PLA2G2D: variants seen among roughly 807,000 people sequenced by gnomAD.
The protein encoded by PLA2G2D is phospholipase A2 group IID, also known as group IID secretory phospholipase A2.
A neutral mutation model predicts 13.9 loss-of-function variants in PLA2G2D; 17 were observed. The ratio of observed to expected loss-of-function variants is 1.23; its 90% CI spans 0.84 to 1.84. PLA2G2D has a LOEUF of 1.84. Ranked by LOEUF, PLA2G2D falls within the 40% of genes most tolerant of loss-of-function variation. PLA2G2D has a pLI of 0.00. For synonymous variants in PLA2G2D, 83 were observed against 69.3 expected (o/e 1.20, Z -0.98); for missense variants, 194 against 178.7 (o/e 1.09, Z -0.49).
At position 20,114,006 on chromosome 1, in the gene PLA2G2D, G is replaced by T; in HGVS notation, c.*108C>A. 9.9e-7 allele frequency: 1 copy of T among 1,007,382 alleles called. No individual in the cohort carries two copies. The highest frequency in any genetic ancestry group is 1.5e-6 in the Non-Finnish European group (1 of 678,388). 62.4% of individuals were successfully genotyped at this position (1,007,382 alleles called of 1,614,324 possible). A position where few individuals can be genotyped will look rare whatever the true frequency, so the allele number is the denominator to read the frequency against. On this transcript the variant is annotated 3_prime_UTR_variant, in exon 4 of 4. Transcript: ENST00000375105. ...TGGTAGAGGGTTCCGGGGGAGGCTG[G>T]GACTACCTCCCCCCGGAGTGTTTGA...
chr1:20,117,227 C>A (rs2017007278), intron 1 of PLA2G2D, among the ~76,000 whole-genome samples: 1 of 152,170 alleles, frequency 6.6e-6, no homozygotes, highest in Admixed American at 6.5e-5. Flanking sequence ...CCCTATTTTA[C>A]AGATGAGCAG....
At chr1:20,115,165 C>G (rs1227646170) in intron 3 of PLA2G2D, among the ~76,000 whole-genome samples, 1 of 152,200 alleles carries the variant, frequency 6.6e-6, no homozygotes, top group Non-Finnish European at 1.5e-5. Context: ...TTTATTATGG[C>G]AGGCATCCTG....
At chr1:20,119,007 T>C (rs1174206149) in intron 1 of PLA2G2D, among the ~76,000 whole-genome samples, 2 of 152,196 alleles carry the variant, frequency 1.3e-5, no homozygotes, top group African/African-American at 2.4e-5. Context: ...TAAGATCAAA[T>C]GGAAATTGCC....
In PLA2G2D at chr1:20,119,466, C is replaced by T; in HGVS notation, c.33G>A (p.Val11=). 6.2e-7 allele frequency: 1 copy of T among 1,613,818 alleles called. No homozygotes were observed. The part of the protein sequence containing the change: MELALLCGLV[V]MAGVIPIQGG... Reference sequence around the variant, plus strand: ...GTCCCGTCCCCGACTCACCAGCCATCACCACCAGCCCACACAGCAGTGCAA... The same window carrying T: ...GTCCCGTCCCCGACTCACCAGCCATTACCACCAGCCCACACAGCAGTGCAA... The change falls in exon 1 of 4, where the codon GTG becomes GTA. Residue 11 remains valine, a synonymous_variant. Coordinates refer to ENST00000375105, the MANE Select transcript of PLA2G2D (RefSeq NM_012400.4).
rs2016902381 is a variant in PLA2G2D, at chr1:20,112,399, T to A, written c.*1715A>T. ...CCCTACCTGGAGTGGTGCATAGAAC[T>A]GGAATTTGAACCCAGCGCCCACAGT... On this transcript the variant is annotated 3_prime_UTR_variant, in exon 4 of 4. Coordinates refer to ENST00000375105, the MANE Select transcript of PLA2G2D (RefSeq NM_012400.4). The A allele has an allele frequency of 6.6e-6, 1 of 152,220 alleles. No homozygotes were observed. The highest frequency in any genetic ancestry group is 1.5e-5 in the Non-Finnish European group (1 of 68,080). The allele number at this position is 152,220 out of a possible 1,614,324, so 9.4% of individuals were successfully genotyped here.
rs1303823203 is a variant in PLA2G2D, at chr1:20,113,165, T to G, written c.*949A>C. ...AAACAGAGATGGCACAGACATGGTC[T>G]CCATCCTTCGGGGGCTCCAGTCTAG... On this transcript the variant is annotated 3_prime_UTR_variant, in exon 4 of 4. Coordinates refer to ENST00000375105, the MANE Select transcript of PLA2G2D (RefSeq NM_012400.4). 1.3e-5 allele frequency: 2 copies of G among 152,370 alleles called. No individual in the cohort carries two copies. Among genetic ancestry groups the G allele is most frequent in the African/African-American group, 4.8e-5 (2 of 41,442 alleles). The allele number at this position is 152,370 out of a possible 1,614,324, so 9.4% of individuals were successfully genotyped here.
intron 1 of PLA2G2D, among the ~76,000 whole-genome samples, chr1:20,118,915 C>G (rs1208420706): frequency 6.6e-6 from 1 of 152,128 alleles, no homozygotes; most frequent in Non-Finnish European, 1.5e-5. Flanking sequence ...AAATGCAAGT[C>G]TTTTCCAAAA....
At chr1:20,117,475 A>C (rs1217493605) in intron 1 of PLA2G2D, among the ~76,000 whole-genome samples, 4 of 152,206 alleles carry the variant, frequency 2.6e-5, no homozygotes, top group Non-Finnish European at 5.9e-5. Flanking sequence ...AGTGCTTTTC[A>C]TGGATAATTT....
At position 20,115,550 on chromosome 1, in the gene PLA2G2D, C is replaced by A. The variant is rs752993735; in HGVS notation, c.249G>T (p.Lys83Asn). Residue 83 changes from lysine to asparagine, a missense_variant, in exon 3 of 4, where the codon AAG (lysine) becomes AAT (asparagine). By Grantham distance (94) the Lys-to-Asn change is moderately conservative. Coordinates refer to ENST00000375105, the MANE Select transcript of PLA2G2D (RefSeq NM_012400.4). ...GGGAAAAGTTGTATCTGTAATAGTC[C>A]TTGTAGATGCTGCACCCCTGGGTCT... Reference protein sequence around the residue: ...HLKTQGCSIYKDYYRYNFSQG... With the variant: ...HLKTQGCSIYNDYYRYNFSQG... The A allele has an allele frequency of 1.2e-6, 2 of 1,612,522 alleles. No individual in the cohort carries two copies. The highest frequency in any genetic ancestry group is 1.7e-6 in the Non-Finnish European group (2 of 1,178,616).
chr1:20,118,402 T>C (rs2017029472), intron 1 of PLA2G2D, among the ~76,000 whole-genome samples: 1 of 152,284 alleles, frequency 6.6e-6, no homozygotes, highest in East Asian at 1.9e-4. Flanking sequence ...GCTGGAGCTG[T>C]GGCTGGGGAG....
chr1:20,119,415 C>A (rs1254486822), intron 1 of PLA2G2D, 44 bp downstream of exon 1: 1 of 1,506,324 alleles, frequency 6.6e-7, no homozygotes, highest in East Asian at 2.3e-5. Context: ...GGTACACTGG[C>A]CTCCCTCCTT....
chr1:20,115,655 A>C (rs761840441), intron 2 of PLA2G2D, 42 bp from the exon 3 acceptor site: 1 of 1,272,000 alleles, frequency 7.9e-7, no homozygotes, highest in South Asian at 1.2e-5. Flanking sequence ...TCCCCAGCCT[A>C]CTGGGGTCTC....
intron 1 of PLA2G2D, among the ~76,000 whole-genome samples, chr1:20,117,129 C>A (rs2017005967): frequency 6.6e-6 from 1 of 152,168 alleles, no homozygotes; most frequent in African/African-American, 2.4e-5. Context: ...CTCCTGTATA[C>A]CCCTCAGCCA....
Position 20,111,953 on chromosome 1 carries a change from A to ATTTTATTTTATTT in PLA2G2D, c.*2148_*2160dup. Reference sequence around the variant, plus strand: ...ATTTTATTTTATTTTATTTTATTTTATTTTATTTTATTTTATTTTATTTTA... The same window carrying ATTTTATTTTATTT: ...ATTTTATTTTATTTTATTTTATTTTATTTTATTTTATTTTTTTATTTTATTTTATTTTATTTTA... On this transcript the variant is annotated 3_prime_UTR_variant, in exon 4 of 4. Coordinates refer to ENST00000375105, the MANE Select transcript of PLA2G2D (RefSeq NM_012400.4). 6.8e-6 allele frequency: 1 copy of ATTTTATTTTATTT among 147,272 alleles called. No individual in the cohort carries two copies. Among genetic ancestry groups the ATTTTATTTTATTT allele is most frequent in the East Asian group, 2.0e-4 (1 of 5,034 alleles). The allele number at this position is 147,272 out of a possible 1,614,324, so 9.1% of individuals were successfully genotyped here. A position where few individuals can be genotyped will look rare whatever the true frequency, so the allele number is the denominator to read the frequency against.
At chr1:20,115,831 A>G (rs1419694118) in intron 2 of PLA2G2D, among the ~76,000 whole-genome samples, 1 of 152,144 alleles carries the variant, frequency 6.6e-6, no homozygotes, top group Non-Finnish European at 1.5e-5. Context: ...CCTTAAAACC[A>G]CCATGGGATG....
At chr1:20,115,405 A>G in intron 3 of PLA2G2D, 102 bp downstream of exon 3, 1 of 755,716 alleles carries the variant, frequency 1.3e-6, no homozygotes, top group South Asian at 1.5e-5. Flanking sequence ...GACCCATGCA[A>G]AAAAAAAACA....
intron 1 of PLA2G2D, among the ~76,000 whole-genome samples, chr1:20,119,198 G>T (rs564273401): frequency 2.0e-4 from 31 of 152,318 alleles, no homozygotes; most frequent in African/African-American, 6.7e-4. Context: ...GCAGACCCTG[G>T]TGCTGGACTT....
At chr1:20,117,033 G>A (rs2017002778) in intron 1 of PLA2G2D, among the ~76,000 whole-genome samples, 1 of 151,984 alleles carries the variant, frequency 6.6e-6, no homozygotes, top group Non-Finnish European at 1.5e-5. Context: ...ACTCCATCTG[G>A]CTGGATAATT....
In PLA2G2D at chr1:20,116,456, C is replaced by T. The variant is rs370789632; in HGVS notation, c.62G>A (p.Gly21Glu). ...GACCATCTTGTTCAGGTTCAGGATC[C>T]CGCCCTGGATTGGAATCACACCTGC... ...VMAGVIPIQG[G>E]ILNLNKMVKQ... The change falls in exon 2 of 4, where the codon GGG becomes GAG. Residue 21 changes from glycine to glutamate, a missense_variant. Coordinates refer to ENST00000375105, the MANE Select transcript of PLA2G2D (RefSeq NM_012400.4). The T allele has an allele frequency of 1.9e-6, 3 of 1,613,994 alleles. No individual in the cohort carries two copies. In the African/African-American group the frequency reaches 4.0e-5, roughly 22 times the overall value.
Sources: allele counts gnomAD v4.1 joint callset (sites outside exome capture counted in the v4.1 genomes callset), GRCh38; gene constraint gnomAD v4.1.1; transcripts MANE v1.5; gene names NCBI Gene and HGNC (gene_info 2026-07-23, HGNC 2026-07-21).